NID2: variants seen among roughly 807,000 people sequenced by gnomAD.
NID2 encodes nidogen-2.
Under a neutral mutation model 145.4 loss-of-function variants are expected in NID2, and 83 were observed. The observed-to-expected ratio is 0.57, with a 90% CI of 0.48 to 0.69. The LOEUF is 0.69. Ranked by LOEUF, NID2 falls within the 30% of genes least tolerant of loss-of-function variation. The pLI is 0.00. For missense variants in NID2, 1,807 were observed against 1,765.7 expected (o/e 1.02, Z -0.42); for synonymous variants, 739 against 701.3 (o/e 1.05, Z -0.85).
intron 9 of NID2, among the ~76,000 whole-genome samples, chr14:52,034,309 A>AATT (rs10638601): frequency 0.84 from 127,137 of 151,880 alleles, 54,279 homozygotes; most frequent in East Asian, 0.97. Context: ...TAGCCTGGGA[A>AATT]ATTTCACTAA....
intron 16 of NID2, among the ~76,000 whole-genome samples, chr14:52,012,358 C>A (rs931419085): frequency 6.6e-6 from 1 of 152,186 alleles, no homozygotes; most frequent in African/African-American, 2.4e-5. Flanking sequence ...AATCCCTGTC[C>A]GTTGGGAGGC....
chr14:52,050,859 A>G (rs1210186575), intron 5 of NID2, among the ~76,000 whole-genome samples: 3 of 152,198 alleles, frequency 2.0e-5, no homozygotes. Context: ...CTGAGGACTA[A>G]CTGTGATAAT....
chr14:52,015,385 T>G, intron 14 of NID2, 110 bp from the exon 15 acceptor site: 1 of 1,048,824 alleles, frequency 9.5e-7, no homozygotes, highest in Non-Finnish European at 1.4e-6. Flanking sequence ...TTCCTTCTCC[T>G]ACTGTCCAGG....
At chr14:52,066,024 A>G (rs185455367) in intron 2 of NID2, among the ~76,000 whole-genome samples, 89 of 152,026 alleles carry the variant, frequency 5.9e-4, no homozygotes, top group African/African-American at 1.9e-3. Flanking sequence ...ATACCCAGTA[A>G]TGGGATGGCT....
At chr14:52,031,931 T>C (rs569175945) in intron 9 of NID2, among the ~76,000 whole-genome samples, 2 of 152,286 alleles carry the variant, frequency 1.3e-5, no homozygotes, top group South Asian at 4.1e-4. Flanking sequence ...ACAACCCCAC[T>C]GCTATGGGGG....
chr14:52,006,518 C>T lies in NID2; in HGVS notation c.4004+19G>A, dbSNP rs1416799887. On this transcript the variant is annotated intron_variant, in intron 20 of 21. Transcript: ENST00000216286. ...AACAGTTGGCCTTTTCAGGCTTGTC[C>T]AGAATTTGTGGGGCTCACCTCCTCC... 14 of 1,612,838 alleles carry T rather than the reference C, an allele frequency of 8.7e-6. No individual in the cohort carries two copies. Among genetic ancestry groups the T allele is most frequent in the Non-Finnish European group, 1.2e-5 (14 of 1,179,188 alleles).
chr14:52,006,597 A>G lies in NID2; in HGVS notation c.3944T>C (p.Leu1315Pro). ...GCTTACGATGCTGAAGGGGTACTTG[A>G]GGTTGTTTTGAATGACACGCCGTCC... The part of the protein sequence containing the change: ...GTGRRVIQNN[L>P]KYPFSIVSYA... The change falls in exon 20 of 22, where the codon CTC (leucine) becomes CCC (proline). Residue 1315 changes from leucine to proline, a missense_variant. By Grantham distance (98) the Leu-to-Pro change is moderately conservative. Transcript: ENST00000216286. 1.9e-6 allele frequency: 3 copies of G among 1,613,816 alleles called. No homozygotes were observed. The highest frequency in any genetic ancestry group is 2.5e-6 in the Non-Finnish European group (3 of 1,179,800).
chr14:52,039,167 G>A (rs1419895514), intron 8 of NID2, among the ~76,000 whole-genome samples, 190 bp from the exon 9 acceptor site: 2 of 152,176 alleles, frequency 1.3e-5, no homozygotes, highest in East Asian at 1.9e-4. Context: ...AGTGCTGAGA[G>A]GGAGAAGGCA....
Position 52,027,234 on chromosome 14 carries a change from G to A in NID2, c.2641C>T (p.Pro881Ser), listed in dbSNP as rs1376364335. ...GGSTFSCACL[P>S]GYAGDGHQCT... The stretch of plus-strand genomic sequence containing the variant: ...TGGTGCCCATCGCCGGCATAACCAG[G>A]CAGGCAGGCACAGCTGAACGTGCTG... Residue 881 changes from proline to serine, a missense_variant, in exon 12 of 22, where the codon CCT becomes TCT. Physicochemically the swap from Pro to Ser is moderately conservative, Grantham distance 74 (BLOSUM62 -1). Coordinates refer to ENST00000216286, the MANE Select transcript of NID2 (RefSeq NM_007361.4). 5 of 1,570,656 alleles carry A rather than the reference G, an allele frequency of 3.2e-6. No individual in the cohort carries two copies. Among genetic ancestry groups the A allele is most frequent in the Non-Finnish European group, 4.3e-6 (5 of 1,158,608 alleles).
chr14:52,014,574 C>G (rs77694456), intron 15 of NID2, 118 bp from the exon 16 acceptor site: 5 of 1,000,646 alleles, frequency 5.0e-6, no homozygotes, highest in Non-Finnish European at 7.3e-6. Context: ...CTTCGCCCTA[C>G]GCAGATGTGC....
At position 52,054,007 on chromosome 14, in the gene NID2, G is replaced by T. The variant is rs555553960; in HGVS notation, c.1069+13C>A. ...GGGGGAGGACAGATCAGAATCTGGA[G>T]GGGAGATCCTACCCTCTAAAGGCTT... On this transcript the variant is annotated intron_variant, in intron 4 of 21. Transcript: ENST00000216286. 1.9e-6 allele frequency: 3 copies of T among 1,611,770 alleles called. No individual in the cohort carries two copies. The highest frequency in any genetic ancestry group is 1.3e-5 in the African/African-American group (1 of 74,982).
intron 5 of NID2, among the ~76,000 whole-genome samples, chr14:52,047,757 G>C (rs948165606): frequency 1.3e-5 from 2 of 152,130 alleles, no homozygotes; most frequent in Non-Finnish European, 2.9e-5. Flanking sequence ...GGAGGAGCAG[G>C]TTTGTGGGGT....
chr14:52,042,237 C>T lies in NID2; in HGVS notation c.1693G>A (p.Ala565Thr), dbSNP rs1379054486. 6.2e-7 allele frequency: 1 copy of T among 1,614,192 alleles called. No homozygotes were observed. The highest frequency in any genetic ancestry group is 2.2e-5 in the East Asian group (1 of 44,870). Reference protein sequence around the residue: ...HAYIVGNDGRAYTAISHIPQP... With the variant: ...HAYIVGNDGRTYTAISHIPQP... ...GGGATGTGGCTGATGGCCGTGTAGG[C>T]TCTGCCATCATTGCCCACGATATAC... is the stretch of plus-strand genomic sequence containing the variant. Residue 565 changes from alanine (A) to threonine (T), a missense_variant, in exon 7 of 22, where the codon GCC (alanine) becomes ACC (threonine). Coordinates refer to ENST00000216286, the MANE Select transcript of NID2 (RefSeq NM_007361.4).
intron 2 of NID2, among the ~76,000 whole-genome samples, chr14:52,062,815 T>TA (rs953755054): frequency 1.3e-5 from 2 of 152,174 alleles, no homozygotes; most frequent in Admixed American, 1.3e-4. Flanking sequence ...CACTTTATTT[T>TA]ATTCATTCAT....
rs1349378562 is a variant in NID2 at position 52,004,832 on chromosome 14, G to GTAA, written c.*651_*653dup. 9.7e-6 allele frequency: 2 copies of GTAA among 205,810 alleles called. No homozygotes were observed. The highest frequency in any genetic ancestry group is 5.9e-5 in the Admixed American group (1 of 17,006). The allele number at this position is 205,810 out of a possible 1,614,324, so 12.7% of individuals were successfully genotyped here. On this transcript the variant is annotated 3_prime_UTR_variant, in exon 22 of 22. Transcript: ENST00000216286. ...GGAAAACTTAAAACACTTTATTGGA[G>GTAA]TAATCTAGAAAATTTTAAAATTGTT...
chr14:52,038,812 G>A lies in NID2; in HGVS notation c.2192C>T (p.Ala731Val), dbSNP rs1335912774. The change falls in exon 9 of 22, where the codon GCC (alanine) becomes GTC (valine). Residue 731 changes from alanine to valine, a missense_variant. Physicochemically the swap from Ala to Val is moderately conservative, Grantham distance 64. Coordinates refer to ENST00000216286, the MANE Select transcript of NID2 (RefSeq NM_007361.4). Reference protein sequence around the residue: ...TQQLNVDRVFALYNDEERVLR... With the variant: ...TQQLNVDRVFVLYNDEERVLR... ...CACTCTTTCTTCGTCATTATACAAGGCAAAGACCCGGTCCACGTTCAGCTG... is the reference window on the plus strand; with the variant it reads ...CACTCTTTCTTCGTCATTATACAAGACAAAGACCCGGTCCACGTTCAGCTG... 1.9e-6 allele frequency: 3 copies of A among 1,613,482 alleles called. No individual in the cohort carries two copies. The highest frequency in any genetic ancestry group is 2.5e-6 in the Non-Finnish European group (3 of 1,179,808).
At chr14:52,035,866 A>ATT (rs765532906) in intron 9 of NID2, among the ~76,000 whole-genome samples, 1 of 136,548 alleles carries the variant, frequency 7.3e-6, no homozygotes, top group African/African-American at 2.7e-5. Context: ...GTATATATAT[A>ATT]TATATATATA....
At position 52,019,112 on chromosome 14, in the gene NID2, CAGG is replaced by C. The variant is rs1385906648; in HGVS notation, c.2974_2976del (p.Pro992del). 6.2e-7 allele frequency: 1 copy of C among 1,614,096 alleles called. No homozygotes were observed. The highest frequency in any genetic ancestry group is 1.7e-5 in the Admixed American group (1 of 60,014). The stretch of plus-strand genomic sequence containing the variant: ...GTGGAGCCAGGTGGAGTCTGGGTAC[CAGG>C]AACTTCATGACCATCAGGGTCCACG... On this transcript the variant is annotated inframe_deletion, in exon 14 of 22. Coordinates refer to ENST00000216286, the MANE Select transcript of NID2 (RefSeq NM_007361.4).
In NID2 at chr14:52,053,777, G is replaced by A. The variant is rs1231736915; in HGVS notation, c.1231C>T (p.Pro411Ser). ...RDSLAPSWET[P>S]PPYPENGSIQ... ...CTTCCGTTTTCGGGGTACGGTGGTG[G>A]GGTTTCCCAGGAAGGAGCCAGTGAA... Residue 411 changes from proline (P) to serine (S), a missense_variant, in exon 5 of 22, where the codon CCA becomes TCA. By Grantham distance (74) the Pro-to-Ser change is moderately conservative. Coordinates refer to ENST00000216286, the MANE Select transcript of NID2 (RefSeq NM_007361.4). 1 of 1,614,086 alleles carries A rather than the reference G, an allele frequency of 6.2e-7. No individual in the cohort carries two copies. Among genetic ancestry groups the A allele is most frequent in the Admixed American group, 1.7e-5 (1 of 60,002 alleles).
Sources: gnomAD v4.1 joint callset for allele counts (sites outside exome capture counted in the v4.1 genomes callset) on GRCh38, gnomAD v4.1.1 for gene constraint, MANE v1.5 for transcripts, NCBI Gene and HGNC (gene_info 2026-07-23, HGNC 2026-07-21) for gene names.